TFEC: variants seen among roughly 807,000 people sequenced by gnomAD.
TFEC encodes the protein transcription factor EC.
A neutral mutation model predicts 41.6 loss-of-function variants in TFEC; 31 were observed. That is an observed-to-expected ratio of 0.74 (90% confidence interval 0.56 to 1.01). The LOEUF (loss-of-function observed/expected upper bound fraction) is 1.01, where lower values mean the gene tolerates loss of function less well. Among genes scored for constraint, TFEC ranks in the 50% least tolerant of loss-of-function variants. TFEC has a pLI of 0.00. For synonymous variants in TFEC, 143 were observed against 140.6 expected, an observed-to-expected ratio of 1.02 and a Z score of -0.12; for missense variants, 402 against 404.1, an observed-to-expected ratio of 0.99 and a Z score of 0.04.
chr7:116,009,439 A>G (rs759740719), intron 1 of TFEC, among the ~76,000 whole-genome samples: 14 of 152,162 alleles, frequency 9.2e-5, no homozygotes, highest in Non-Finnish European at 1.6e-4. Flanking sequence ...CACTGTGCTC[A>G]CAGTTTAGCA....
At chr7:116,094,159 G>A (rs1265833388) in intron 3 of TFEC, among the ~76,000 whole-genome samples, 1 of 152,160 alleles carries the variant, frequency 6.6e-6, no homozygotes, top group Non-Finnish European at 1.5e-5. Context: ...AAATAATCTT[G>A]ATTCCTGAGT....
At chr7:116,039,502 G>T (rs1048284188) in intron 3 of TFEC, among the ~76,000 whole-genome samples, 1 of 151,370 alleles carries the variant, frequency 6.6e-6, no homozygotes, top group Non-Finnish European at 1.5e-5. Flanking sequence ...CAAGATATAT[G>T]CCAAAAGCAC....
At chr7:116,009,436 C>A (rs1794919048) in intron 1 of TFEC, among the ~76,000 whole-genome samples, 2 of 152,104 alleles carry the variant, frequency 1.3e-5, no homozygotes, top group Non-Finnish European at 2.9e-5. Context: ...TGACACTGTG[C>A]TCACAGTTTA....
chr7:116,095,779 CTCT>C (rs1375123063), intron 3 of TFEC, among the ~76,000 whole-genome samples: 1 of 152,044 alleles, frequency 6.6e-6, no homozygotes, highest in Non-Finnish European at 1.5e-5. Context: ...TGGAGGAGCT[CTCT>C]TTCTTGAATA....
chr7:116,009,759 G>C (rs902307148), intron 1 of TFEC, among the ~76,000 whole-genome samples: 1 of 152,102 alleles, frequency 6.6e-6, no homozygotes, highest in East Asian at 1.9e-4. Context: ...GCCTATATAC[G>C]ATAGGCACTT....
intron 1 of TFEC, among the ~76,000 whole-genome samples, chr7:116,020,221 T>C (rs1475770878): frequency 2.6e-5 from 4 of 152,184 alleles, no homozygotes; most frequent in Non-Finnish European, 4.4e-5. Context: ...CACTTAGTAA[T>C]TATGAAAACA....
intron 3 of TFEC, among the ~76,000 whole-genome samples, chr7:115,966,014 A>ATC (rs1327583456): frequency 6.6e-6 from 1 of 151,460 alleles, no homozygotes; most frequent in African/African-American, 2.4e-5. Context: ...GTATTTCTTC[A>ATC]TCTCTCTCAA....
At chr7:115,997,517 G>A (rs1049196106) in intron 1 of TFEC, among the ~76,000 whole-genome samples, 1 of 149,972 alleles carries the variant, frequency 6.7e-6, no homozygotes, top group African/African-American at 2.5e-5. Flanking sequence ...AGAATAAAAT[G>A]AATACCTAAC....
intron 3 of TFEC, among the ~76,000 whole-genome samples, chr7:116,102,659 T>C (rs1181710230): frequency 1.3e-5 from 2 of 152,210 alleles, no homozygotes; most frequent in Non-Finnish European, 2.9e-5. Context: ...ACTAAGTGCA[T>C]GGATAAGTAT....
intron 4 of TFEC, 92 bp from the exon 5 acceptor site, chr7:115,954,734 A>G: frequency 6.3e-6 from 6 of 945,016 alleles, no homozygotes; most frequent in Non-Finnish European, 9.5e-6. Context: ...TGAAAATAAA[A>G]TATTATTTGC....
chr7:116,026,647 T>TAA (rs1425635916), intron 1 of TFEC, among the ~76,000 whole-genome samples: 1 of 152,214 alleles, frequency 6.6e-6, no homozygotes, highest in African/African-American at 2.4e-5. Context: ...ATTCCTACTG[T>TAA]AAGAGTGGAT....
intron 5 of TFEC, 34 bp downstream of exon 5, chr7:115,954,552 T>C (rs1370698682): frequency 1.3e-6 from 2 of 1,575,412 alleles, no homozygotes; most frequent in Admixed American, 3.5e-5. Flanking sequence ...CATTTCCTTT[T>C]GCATTAATTT....
At chr7:116,121,970 T>G (rs1164251892) in intron 1 of TFEC, among the ~76,000 whole-genome samples, 1 of 152,080 alleles carries the variant, frequency 6.6e-6, no homozygotes, top group Admixed American at 6.6e-5. Flanking sequence ...ATTGACAACC[T>G]AATTTTCCGA....
intron 3 of TFEC, among the ~76,000 whole-genome samples, chr7:116,042,860 T>C (rs1796073434): frequency 6.6e-6 from 1 of 152,144 alleles, no homozygotes; most frequent in Admixed American, 6.5e-5. Flanking sequence ...GTAGCATATT[T>C]GGACTTCTGT....
chr7:116,012,595 T>TA (rs1437940116), intron 1 of TFEC, among the ~76,000 whole-genome samples: 1 of 152,074 alleles, frequency 6.6e-6, no homozygotes, highest in Non-Finnish European at 1.5e-5. Flanking sequence ...ACATCTGGGA[T>TA]AAAAACCCAA....
chr7:116,024,125 C>T (rs1795500417), intron 1 of TFEC, among the ~76,000 whole-genome samples: 1 of 152,094 alleles, frequency 6.6e-6, no homozygotes, highest in South Asian at 2.1e-4. Context: ...TGAAATAGAG[C>T]CATCTTTTCT....
At chr7:115,998,337 G>A (rs1336783036) in intron 1 of TFEC, among the ~76,000 whole-genome samples, 3 of 151,508 alleles carry the variant, frequency 2.0e-5, no homozygotes, top group African/African-American at 7.3e-5. Context: ...ACACAAAAAA[G>A]AAAAAGCAAG....
chr7:115,936,257 A>G lies in TFEC; in HGVS notation c.*4294T>C, dbSNP rs1185334955. On this transcript the variant is annotated 3_prime_UTR_variant, in exon 8 of 8. Transcript: ENST00000265440. ...GGTAAATGTAATGAAATCTCTGTAT[A>G]TATGTATACTAAGTCAAACTGACAT... 6.6e-6 allele frequency: 1 copy of G among 151,618 alleles called. No homozygotes were observed. Among genetic ancestry groups the G allele is most frequent in the Admixed American group, 6.6e-5 (1 of 15,198 alleles). 9.4% of individuals were successfully genotyped at this position (151,618 alleles called of 1,614,324 possible).
intron 3 of TFEC, among the ~76,000 whole-genome samples, chr7:116,087,316 G>T (rs939041594): frequency 6.6e-6 from 1 of 151,912 alleles, no homozygotes; most frequent in African/African-American, 2.4e-5. Context: ...TGTTACAGGT[G>T]AAAATTAAGA....
Sources: allele counts gnomAD v4.1 joint callset (sites outside exome capture counted in the v4.1 genomes callset), GRCh38; gene constraint gnomAD v4.1.1; transcripts MANE v1.5; gene names NCBI Gene and HGNC (gene_info 2026-07-23, HGNC 2026-07-21).